Variants in KCNB2 observed in about 807,000 individuals in gnomAD.
KCNB2 encodes delayed rectifier potassium channel protein.
A neutral mutation model predicts 61.5 loss-of-function variants in KCNB2; 15 were observed. The ratio of observed to expected loss-of-function variants is 0.24; its 90% CI spans 0.16 to 0.38. The LOEUF is 0.38. KCNB2 is among the 10% of genes least tolerant of loss of function. KCNB2 has a pLI of 1.00. For missense variants in KCNB2, 828 were observed against 1,125.2 expected, an observed-to-expected ratio of 0.74 and a Z score of 3.78; for synonymous variants, 457 against 446.0, an observed-to-expected ratio of 1.02 and a Z score of -0.31.
chr8:72,581,058 A>G lies in KCNB2; in HGVS notation c.579+12745A>G, dbSNP rs116410512. ...GTGCCCCAGGTGTTGCAGACTACCA[A>G]CCATTCCTGAAGACAGGGCTCTGGT... On this transcript the variant is annotated intron_variant, in intron 2 of 2. Transcript: ENST00000523207. 4.2e-4 allele frequency among the ~76,000 whole-genome samples: 64 copies of G among 152,320 alleles called. 1 individual carries two copies. Among genetic ancestry groups the G allele is most frequent in the East Asian group, 9.7e-4 (5 of 5,180 alleles).
intron 2 of KCNB2, among the ~76,000 whole-genome samples, chr8:72,727,552 C>T (rs1807673795): frequency 6.6e-6 from 1 of 152,154 alleles, no homozygotes; most frequent in South Asian, 2.1e-4. Context: ...CCTCAGCCCT[C>T]AGCATAGATA....
intron 2 of KCNB2, among the ~76,000 whole-genome samples, chr8:72,752,969 A>G (rs1047792298): frequency 2.6e-5 from 4 of 152,214 alleles, no homozygotes; most frequent in African/African-American, 9.6e-5. Flanking sequence ...CATTTAGATG[A>G]CATATTTCCA....
intron 1 of KCNB2, among the ~76,000 whole-genome samples, chr8:72,559,635 AC>A (rs1806481939): frequency 6.6e-6 from 1 of 152,130 alleles, no homozygotes; most frequent in Non-Finnish European, 1.5e-5. Context: ...TAGGAAGTGC[AC>A]CTCTCTTTGC....
intron 2 of KCNB2, among the ~76,000 whole-genome samples, chr8:72,834,560 G>A (rs909707633): frequency 2.0e-4 from 31 of 152,076 alleles, no homozygotes; most frequent in African/African-American, 6.8e-4. Context: ...AAAATTCCTT[G>A]CTGGAAGTCC....
chr8:72,822,871 T>C (rs751772410), intron 2 of KCNB2, among the ~76,000 whole-genome samples: 18 of 152,126 alleles, frequency 1.2e-4, no homozygotes, highest in Non-Finnish European at 2.6e-4. Flanking sequence ...CCACCTCATT[T>C]CCTTGACCTC....
At chr8:72,826,398 T>C (rs542003068) in intron 2 of KCNB2, among the ~76,000 whole-genome samples, 8 of 152,322 alleles carry the variant, frequency 5.3e-5, no homozygotes, top group African/African-American at 1.7e-4. Flanking sequence ...TGGAATTTTT[T>C]ATGCCTATGA....
At chr8:72,762,011 GTT>G (rs1808390351) in intron 2 of KCNB2, among the ~76,000 whole-genome samples, 3 of 152,066 alleles carry the variant, frequency 2.0e-5, no homozygotes, top group Admixed American at 2.0e-4. Context: ...ACAAAAATTT[GTT>G]TTAAACTGGC....
At chr8:72,718,295 C>G (rs1446109398) in intron 2 of KCNB2, among the ~76,000 whole-genome samples, 1 of 152,078 alleles carries the variant, frequency 6.6e-6, no homozygotes, top group African/African-American at 2.4e-5. Context: ...ACCATTTGAC[C>G]CAGCCATCCC....
intron 2 of KCNB2, among the ~76,000 whole-genome samples, chr8:72,573,511 C>T (rs1806746017): frequency 1.3e-5 from 2 of 152,220 alleles, no homozygotes; most frequent in African/African-American, 2.4e-5. Flanking sequence ...CACAGAAACC[C>T]CTCTACACTG....
intron 2 of KCNB2, among the ~76,000 whole-genome samples, chr8:72,723,919 T>C (rs1423941668): frequency 2.0e-5 from 3 of 152,240 alleles, no homozygotes; most frequent in African/African-American, 4.8e-5. Context: ...ACTCTCTATG[T>C]GTGCATTTCT....
intron 2 of KCNB2, among the ~76,000 whole-genome samples, chr8:72,577,852 G>A (rs1287153934): frequency 6.6e-6 from 1 of 152,148 alleles, no homozygotes; most frequent in Non-Finnish European, 1.5e-5. Context: ...TAGCCTTCAA[G>A]TCATCGTTTT....
At chr8:72,803,732 G>A in intron 2 of KCNB2, among the ~76,000 whole-genome samples, 1 of 152,190 alleles carries the variant, frequency 6.6e-6, no homozygotes, top group East Asian at 1.9e-4. Flanking sequence ...AATGCTGAGA[G>A]AAATGCAAAT....
chr8:72,556,213 C>A (rs747564967), intron 1 of KCNB2, among the ~76,000 whole-genome samples: 2 of 152,082 alleles, frequency 1.3e-5, no homozygotes, highest in Non-Finnish European at 2.9e-5. Flanking sequence ...TTGATATTTT[C>A]TTATCAAATT....
chr8:72,760,458 C>A (rs909283827), intron 2 of KCNB2, among the ~76,000 whole-genome samples: 10 of 152,140 alleles, frequency 6.6e-5, no homozygotes, highest in African/African-American at 2.4e-4. Context: ...AAAACATTTT[C>A]TTGCCCAACA....
At chr8:72,643,872 T>C (rs1806090756) in intron 2 of KCNB2, among the ~76,000 whole-genome samples, 1 of 152,106 alleles carries the variant, frequency 6.6e-6, no homozygotes, top group Non-Finnish European at 1.5e-5. Context: ...AAGGAAAATA[T>C]GAACCCTTCA....
At chr8:72,595,728 C>T (rs1030772078) in intron 2 of KCNB2, among the ~76,000 whole-genome samples, 1 of 152,130 alleles carries the variant, frequency 6.6e-6, no homozygotes, top group Non-Finnish European at 1.5e-5. Context: ...TCCCATAACA[C>T]CCTGTATTCC....
intron 2 of KCNB2, among the ~76,000 whole-genome samples, chr8:72,807,903 T>G (rs545210288): frequency 6.6e-6 from 1 of 152,330 alleles, no homozygotes; most frequent in African/African-American, 2.4e-5. Context: ...TTACTTACTC[T>G]TATTTCTTTG....
chr8:72,686,955 C>G (rs2252952), intron 2 of KCNB2, among the ~76,000 whole-genome samples: 107,361 of 152,090 alleles, frequency 0.71, 38,768 homozygotes, highest in African/African-American at 0.84. Flanking sequence ...GCTGTCTCCA[C>G]ATTCCTGTAG....
chr8:72,602,952 TAA>T (rs200579710), intron 2 of KCNB2, among the ~76,000 whole-genome samples: 12 of 137,622 alleles, frequency 8.7e-5, no homozygotes, highest in East Asian at 2.1e-4. Context: ...GGTTAAGCAC[TAA>T]AAAAAAAAAA....
Sources: gnomAD v4.1 joint callset for allele counts (sites outside exome capture counted in the v4.1 genomes callset) on GRCh38, gnomAD v4.1.1 for gene constraint, MANE v1.5 for transcripts, NCBI Gene and HGNC (gene_info 2026-07-23, HGNC 2026-07-21) for gene names.